PASD1: variants seen among roughly 807,000 people sequenced by gnomAD.
The protein encoded by PASD1 is PAS domain containing repressor 1.
Under a neutral mutation model 58.8 loss-of-function variants are expected in PASD1, and 13 were observed. The ratio of observed to expected loss-of-function variants is 0.22; its 90% CI spans 0.14 to 0.35. The LOEUF is 0.35. PASD1 is among the 10% of genes least tolerant of loss of function. The pLI, the probability that PASD1 is intolerant of heterozygous loss-of-function variation, is 1.00. For missense variants in PASD1, 734 were observed against 568.3 expected (o/e 1.29, Z -2.96); for synonymous variants, 236 against 216.7 (o/e 1.09, Z -0.78).
chrX:151,565,191 AT>A (rs2012817141), intron 1 of PASD1, among the ~76,000 whole-genome samples: 1 of 112,123 alleles, frequency 8.9e-6, no homozygotes, highest in South Asian at 3.7e-4. Flanking sequence ...TGTTGTGCTT[AT>A]TTCTCTGCCA....
chrX:151,625,574 A>G (rs369465040), intron 8 of PASD1, 44 bp downstream of exon 8: 36 of 991,608 alleles, frequency 3.6e-5, no homozygotes, highest in African/African-American at 7.7e-5. Flanking sequence ...CTAGAATTCA[A>G]TTTTACTAAA....
chrX:151,578,998 G>A (rs760467310), intron 1 of PASD1, among the ~76,000 whole-genome samples: 1 of 111,872 alleles, frequency 8.9e-6, no homozygotes, highest in Admixed American at 9.5e-5. Flanking sequence ...CTGAGAACCC[G>A]TCCTTTAAAA....
intron 9 of PASD1, among the ~76,000 whole-genome samples, chrX:151,656,608 C>T (rs1176694818): frequency 9.0e-6 from 1 of 111,179 alleles, no homozygotes; most frequent in South Asian, 3.9e-4. Context: ...GTATTTTATT[C>T]TCTTTGAAGC....
intron 3 of PASD1, among the ~76,000 whole-genome samples, chrX:151,611,458 A>G (rs113074633): frequency 0.01 from 1,142 of 112,340 alleles, 18 homozygotes; most frequent in African/African-American, 0.035. Flanking sequence ...ACATCATTTG[A>G]TAAACATTTC....
rs147024081 is a variant in PASD1 at position 151,664,930 on chromosome X, G to A, written c.1071+582G>A. Among the ~76,000 whole-genome samples the A allele has an allele frequency of 6.0e-3, 668 of 112,147 alleles. 6 individuals are homozygous for A. The highest frequency in any genetic ancestry group is 0.02 in the African/African-American group (631 of 30,861). On this transcript the variant is annotated intron_variant, in intron 11 of 15. Coordinates refer to ENST00000370357, the MANE Select transcript of PASD1 (RefSeq NM_173493.3). ...GTAGTTCCTCTACCCTGAAATGTGT[G>A]TACATAACCACAGATTTCGATGATC...
At chrX:151,661,928 A>G (rs2014317737) in intron 10 of PASD1, among the ~76,000 whole-genome samples, 2 of 112,467 alleles carry the variant, frequency 1.8e-5, no homozygotes, top group Non-Finnish European at 3.8e-5. Flanking sequence ...ATATCAGAAT[A>G]TACATGATGG....
intron 1 of PASD1, among the ~76,000 whole-genome samples, chrX:151,568,499 A>G (rs1259144748): frequency 8.9e-6 from 1 of 112,268 alleles, no homozygotes; most frequent in Non-Finnish European, 1.9e-5. Flanking sequence ...ATATTATTCA[A>G]TCAAGCTAAT....
At chrX:151,576,823 A>T (rs750887265) in intron 1 of PASD1, among the ~76,000 whole-genome samples, 1 of 112,410 alleles carries the variant, frequency 8.9e-6, no homozygotes, top group South Asian at 3.6e-4. Flanking sequence ...AAAACATAGC[A>T]TATATTTATT....
intron 10 of PASD1, among the ~76,000 whole-genome samples, chrX:151,660,981 G>C (rs1045779034): frequency 1.8e-5 from 2 of 110,967 alleles, no homozygotes; most frequent in African/African-American, 6.6e-5. Flanking sequence ...GTGAAACCCC[G>C]TCTCTACTAA....
intron 1 of PASD1, among the ~76,000 whole-genome samples, chrX:151,594,805 C>T (rs1310758961): frequency 1.8e-5 from 2 of 110,981 alleles, no homozygotes; most frequent in Non-Finnish European, 3.8e-5. Flanking sequence ...GAAGTACTTC[C>T]TTTAATATTT....
At chrX:151,573,510 C>T (rs537961148) in intron 1 of PASD1, among the ~76,000 whole-genome samples, 5 of 112,226 alleles carry the variant, frequency 4.5e-5, no homozygotes, top group Admixed American at 9.5e-5. Flanking sequence ...CTGCAGTGAT[C>T]GGGGAGAGAC....
chrX:151,667,226 G>A (rs1343495996), intron 11 of PASD1, among the ~76,000 whole-genome samples: 4 of 111,998 alleles, frequency 3.6e-5, no homozygotes, highest in Admixed American at 2.8e-4. Context: ...ACTTGTTGAT[G>A]GGGTTGTTTG....
At chrX:151,598,192 TGCTTTTCA>T (rs1233575904) in intron 1 of PASD1, among the ~76,000 whole-genome samples, 1 of 112,446 alleles carries the variant, frequency 8.9e-6, no homozygotes, top group Non-Finnish European at 1.9e-5. Context: ...GAGTATTTTC[TGCTTTTCA>T]GAGCTATTTA....
chrX:151,591,327 G>C (rs990253432), intron 1 of PASD1, among the ~76,000 whole-genome samples: 14 of 111,146 alleles, frequency 1.3e-4, no homozygotes, highest in Non-Finnish European at 2.3e-4. Context: ...AGATGTGTGT[G>C]TACACACACA....
At chrX:151,590,552 C>T (rs984573243) in intron 1 of PASD1, among the ~76,000 whole-genome samples, 1 of 111,209 alleles carries the variant, frequency 9.0e-6, no homozygotes, top group Non-Finnish European at 1.9e-5. Flanking sequence ...ATTCTCAGGA[C>T]ATGTTCCACT....
chrX:151,670,893 A>C (rs1357188930), intron 11 of PASD1, 145 bp from the exon 12 acceptor site: 2 of 679,969 alleles, frequency 2.9e-6, no homozygotes, highest in Admixed American at 6.8e-5. Flanking sequence ...CATTTTTTCA[A>C]ACTTTCTAGT....
intron 10 of PASD1, among the ~76,000 whole-genome samples, chrX:151,660,907 A>G (rs2014300694): frequency 8.9e-6 from 1 of 112,231 alleles, no homozygotes; most frequent in African/African-American, 3.2e-5. Context: ...TAATCCCAGC[A>G]CTTTGAGAGG....
chrX:151,651,389 CA>C (rs2014126704), intron 9 of PASD1, among the ~76,000 whole-genome samples: 1 of 111,945 alleles, frequency 8.9e-6, no homozygotes, highest in African/African-American at 3.2e-5. Context: ...TGTGCATTAT[CA>C]GATTGCTTTT....
intron 1 of PASD1, among the ~76,000 whole-genome samples, chrX:151,565,830 T>G (rs113542328): frequency 0.019 from 2,153 of 112,002 alleles, 44 homozygotes; most frequent in African/African-American, 0.064. Context: ...AGTGCTGGGA[T>G]TGCAGGCATG....
Sources: gnomAD v4.1 joint callset for allele counts (sites outside exome capture counted in the v4.1 genomes callset) on GRCh38, gnomAD v4.1.1 for gene constraint, MANE v1.5 for transcripts, NCBI Gene and HGNC (gene_info 2026-07-23, HGNC 2026-07-21) for gene names.